SLC25A43: variants seen among roughly 807,000 people sequenced by gnomAD.
SLC25A43 encodes solute carrier family 25, member 43.
Under a neutral mutation model 22.8 loss-of-function variants are expected in SLC25A43, and 10 were observed. The observed-to-expected ratio is 0.44, with a 90% CI of 0.27 to 0.74. The LOEUF is 0.74. SLC25A43 is among the 30% of genes least tolerant of loss of function. SLC25A43 has a pLI of 0.17. For missense variants in SLC25A43, 233 were observed against 279.1 expected (o/e 0.83, Z 1.18); for synonymous variants, 106 against 121.6 (o/e 0.87, Z 0.84).
intron 3 of SLC25A43, among the ~76,000 whole-genome samples, chrX:119,411,515 A>T (rs1431248453): frequency 9.0e-6 from 1 of 110,991 alleles, no homozygotes; most frequent in African/African-American, 3.3e-5. Flanking sequence ...AAAAAAAAAA[A>T]AAATGAGGCG....
At chrX:119,416,121 T>G (rs2052398847) in intron 3 of SLC25A43, among the ~76,000 whole-genome samples, 1 of 111,009 alleles carries the variant, frequency 9.0e-6, no homozygotes, top group African/African-American at 3.3e-5. Context: ...ATAATTCTTT[T>G]CTCCACTACT....
intron 3 of SLC25A43, among the ~76,000 whole-genome samples, chrX:119,413,148 TTTAAAATGG>T (rs1213311450): frequency 1.8e-5 from 2 of 110,829 alleles, no homozygotes; most frequent in African/African-American, 3.3e-5. Context: ...GCACATATAC[TTTAAAATGG>T]TTAAAATGGT....
chrX:119,445,820 G>C (rs774779402), intron 3 of SLC25A43, among the ~76,000 whole-genome samples: 30 of 111,220 alleles, frequency 2.7e-4, no homozygotes, highest in African/African-American at 8.8e-4. Context: ...AGTCCTTGGA[G>C]ATCTAGTAAT....
intron 1 of SLC25A43, among the ~76,000 whole-genome samples, chrX:119,403,693 G>A (rs1421455039): frequency 8.9e-6 from 1 of 112,115 alleles, no homozygotes; most frequent in Non-Finnish European, 1.9e-5. Context: ...AAGTGGGCAG[G>A]CAGGCAGTAC....
intron 2 of SLC25A43, among the ~76,000 whole-genome samples, chrX:119,407,254 C>T (rs1202953594): frequency 1.8e-5 from 2 of 111,243 alleles, no homozygotes; most frequent in Non-Finnish European, 3.8e-5. Context: ...CTTATCCGGC[C>T]CATCTGGGTC....
chrX:119,428,164 A>G (rs750562359), intron 3 of SLC25A43, among the ~76,000 whole-genome samples: 8 of 112,104 alleles, frequency 7.1e-5, no homozygotes, highest in Non-Finnish European at 1.5e-4. Flanking sequence ...CCACCTGAAA[A>G]TGTATCTCGG....
intron 3 of SLC25A43, among the ~76,000 whole-genome samples, chrX:119,426,984 C>T (rs987120113): frequency 1.8e-5 from 2 of 111,466 alleles, no homozygotes; most frequent in Non-Finnish European, 3.8e-5. Flanking sequence ...GTTTGGTTAG[C>T]GTAACAACAG....
At chrX:119,452,274 A>G (rs1228335247) in intron 4 of SLC25A43, 131 bp downstream of exon 4, 3 of 725,322 alleles carry the variant, frequency 4.1e-6, no homozygotes, top group Non-Finnish European at 5.9e-6. Context: ...CACAAGGCCC[A>G]TGAATGCACA....
intron 3 of SLC25A43, among the ~76,000 whole-genome samples, chrX:119,442,076 C>T (rs1426670176): frequency 9.7e-6 from 1 of 103,366 alleles, no homozygotes; most frequent in African/African-American, 3.7e-5. Context: ...GGTGACAGAG[C>T]GAGACTCCAT....
chrX:119,413,144 A>G (rs1310138980), intron 3 of SLC25A43, among the ~76,000 whole-genome samples: 6 of 111,063 alleles, frequency 5.4e-5, no homozygotes, highest in African/African-American at 2.0e-4. Context: ...TAATGCACAT[A>G]TACTTTAAAA....
Position 119,435,456 on chromosome X carries a change from TC to T in SLC25A43, c.691-16552del, listed in dbSNP as rs778270461. ...CTCCAGTAAGAAATTTAGATTTTAT[TC>T]TTTTTTTTTTTTTTTTTTTTTTTTA... is the stretch of plus-strand genomic sequence containing the variant. On this transcript the variant is annotated intron_variant, in intron 3 of 4. Transcript: ENST00000217909. 4.8e-4 allele frequency among the ~76,000 whole-genome samples: 25 copies of T among 52,562 alleles called. No homozygotes were observed. In the South Asian group the frequency reaches 0.032, roughly 67 times the overall value. The allele number at this position is 52,562 out of a possible 115,157, so 45.6% of individuals were successfully genotyped here. A position where few individuals can be genotyped will look rare whatever the true frequency, so the allele number is the denominator to read the frequency against.
intron 3 of SLC25A43, among the ~76,000 whole-genome samples, chrX:119,443,663 C>A (rs1434465151): frequency 9.0e-6 from 1 of 110,720 alleles, no homozygotes; most frequent in African/African-American, 3.3e-5. Flanking sequence ...CTTGTCACTG[C>A]ACTTTAAAGA....
chrX:119,420,035 A>G (rs1003569810), intron 3 of SLC25A43, among the ~76,000 whole-genome samples: 1 of 112,191 alleles, frequency 8.9e-6, no homozygotes, highest in Admixed American at 9.5e-5. Context: ...TAAGTGCTTT[A>G]TGTTCATTAT....
chrX:119,417,838 A>C (rs185078277), intron 3 of SLC25A43, among the ~76,000 whole-genome samples: 2 of 111,640 alleles, frequency 1.8e-5, no homozygotes, highest in African/African-American at 6.5e-5. Flanking sequence ...ACATGTAATT[A>C]TGAATAACAA....
At chrX:119,442,255 T>C (rs2052628870) in intron 3 of SLC25A43, among the ~76,000 whole-genome samples, 1 of 111,996 alleles carries the variant, frequency 8.9e-6, no homozygotes, top group Non-Finnish European at 1.9e-5. Context: ...ATCCTAAGAC[T>C]GGATATAGAT....
chrX:119,399,813 C>G (rs906581005), intron 1 of SLC25A43, 135 bp downstream of exon 1: 3 of 704,264 alleles, frequency 4.3e-6, no homozygotes, highest in African/African-American at 4.5e-5. Flanking sequence ...CACCTGGGGA[C>G]CCCTCGGGGC....
At chrX:119,405,136 G>A (rs1603293863) in intron 1 of SLC25A43, among the ~76,000 whole-genome samples, 1 of 112,108 alleles carries the variant, frequency 8.9e-6, no homozygotes, top group East Asian at 2.8e-4. Context: ...AACCATGGGT[G>A]AAAACCAATG....
intron 3 of SLC25A43, among the ~76,000 whole-genome samples, chrX:119,431,617 C>T (rs185375290): frequency 1.8e-5 from 2 of 111,934 alleles, no homozygotes. Flanking sequence ...TGACTATCCA[C>T]GTAGCTTATG....
chrX:119,451,722 C>A, intron 3 of SLC25A43: 1 of 683,436 alleles, frequency 1.5e-6, no homozygotes. Flanking sequence ...CCAGAAGGCA[C>A]AGGTTGGGAG....
Sources: gnomAD v4.1 joint callset for allele counts (sites outside exome capture counted in the v4.1 genomes callset) on GRCh38, gnomAD v4.1.1 for gene constraint, MANE v1.5 for transcripts, NCBI Gene and HGNC (gene_info 2026-07-23, HGNC 2026-07-21) for gene names.